APBA2: variants seen among roughly 807,000 people sequenced by gnomAD.
APBA2 encodes amyloid beta precursor protein binding family A member 2, also known as amyloid-beta A4 precursor protein-binding family A member 2.
APBA2 carries 30 observed loss-of-function variants against 75.0 expected under a neutral mutation model. The ratio of observed to expected loss-of-function variants is 0.40; its 90% CI spans 0.30 to 0.54. The LOEUF (loss-of-function observed/expected upper bound fraction) is 0.54, where lower values mean the gene tolerates loss of function less well. APBA2 is among the 20% of genes least tolerant of loss of function. The pLI is 0.49. For synonymous variants in APBA2, 444 were observed against 409.6 expected, an observed-to-expected ratio of 1.08 and a Z score of -1.01; for missense variants, 801 against 1,016.1, an observed-to-expected ratio of 0.79 and a Z score of 2.88.
chr15:29,025,750 G>C (rs574162548), intron 3 of APBA2, among the ~76,000 whole-genome samples: 74 of 151,978 alleles, frequency 4.9e-4, no homozygotes, highest in Admixed American at 7.9e-4. Flanking sequence ...TCAGGAGTTC[G>C]AGGCCAGGCT....
chr15:28,948,156 C>A (rs1309253065), intron 2 of APBA2, among the ~76,000 whole-genome samples: 2 of 152,212 alleles, frequency 1.3e-5, no homozygotes, highest in Admixed American at 1.3e-4. Context: ...ATGTTCAGAG[C>A]ATCCCCACAG....
At chr15:28,996,191 G>C (rs570394749) in intron 3 of APBA2, among the ~76,000 whole-genome samples, 1 of 152,282 alleles carries the variant, frequency 6.6e-6, no homozygotes, top group African/African-American at 2.4e-5. Flanking sequence ...TAGTTACAGC[G>C]AAAGTAGACA....
chr15:28,940,571 A>G (rs1044022575), intron 2 of APBA2, among the ~76,000 whole-genome samples: 4 of 151,114 alleles, frequency 2.6e-5, no homozygotes, highest in Non-Finnish European at 4.4e-5. Flanking sequence ...AGAAAAAAAA[A>G]AAAGAAAAGA....
rs762268095 is a variant in APBA2, at chr15:29,098,570, C to G, written c.1332C>G (p.Asp444Glu). Residue 444 changes from aspartate to glutamate, a missense_variant, in exon 9 of 15, where the codon GAC becomes GAG. Around this residue, in one of 2 missense-constraint regions of APBA2, gnomAD observed 367 missense variants for 544.5 expected, o/e 0.67. Transcript: ENST00000683413. ...AGAGGATCAAGGTTTTAAATGCAGA[C>G]ACGCAGGTAAGCGTTTAAGACAGTT... ...STQRIKVLNA[D>E]TQETMMDHAL... The G allele has an allele frequency of 6.2e-7, 1 of 1,613,410 alleles. No homozygotes were observed. The highest frequency in any genetic ancestry group is 8.5e-7 in the Non-Finnish European group (1 of 1,179,308).
At chr15:29,031,399 C>T (rs968337304) in intron 3 of APBA2, among the ~76,000 whole-genome samples, 4 of 152,150 alleles carry the variant, frequency 2.6e-5, no homozygotes, top group Admixed American at 6.5e-5. Context: ...CTCTCCTTGG[C>T]CTTGATGCCC....
Position 29,117,181 on chromosome 15 carries a change from G to C in APBA2, c.*48G>C. ...GCCAGGACACCGGGCAGGGCCGCCC[G>C]GGCCCAGAGGAGCTGGGAGCCGGGC... is the stretch of plus-strand genomic sequence containing the variant. On this transcript the variant is annotated 3_prime_UTR_variant, in exon 15 of 15. Transcript: ENST00000683413. 1.3e-6 allele frequency: 2 copies of C among 1,580,916 alleles called. No homozygotes were observed. The highest frequency in any genetic ancestry group is 1.7e-6 in the Non-Finnish European group (2 of 1,151,596).
At position 29,115,998 on chromosome 15, in the gene APBA2, A is replaced by G. The variant is rs537268456; in HGVS notation, c.2179-1064A>G. Among the ~76,000 whole-genome samples the G allele has an allele frequency of 2.4e-4, 37 of 152,334 alleles. No homozygotes were observed. In the East Asian group the frequency reaches 7.2e-3, roughly 29 times the overall value. ...CCATCCGGAGGCCGCAGCCTAGCACAGTCCCGGGCAGGACAGGGGAGAGCG... is the reference window on the plus strand; with the variant it reads ...CCATCCGGAGGCCGCAGCCTAGCACGGTCCCGGGCAGGACAGGGGAGAGCG... On this transcript the variant is annotated intron_variant, in intron 14 of 14. Transcript: ENST00000683413.
chr15:29,096,553 G>A (rs962417586), intron 8 of APBA2, among the ~76,000 whole-genome samples: 2 of 152,202 alleles, frequency 1.3e-5, no homozygotes, highest in African/African-American at 2.4e-5. Context: ...AAGTTCCTCC[G>A]CGGCTGCGGA....
intron 4 of APBA2, among the ~76,000 whole-genome samples, chr15:29,062,699 T>A (rs948445173): frequency 6.6e-6 from 1 of 152,152 alleles, no homozygotes; most frequent in African/African-American, 2.4e-5. Flanking sequence ...TGTAAAGCTC[T>A]CCCACTACCA....
At chr15:29,080,458 C>T (rs566918489) in intron 6 of APBA2, among the ~76,000 whole-genome samples, 12 of 152,256 alleles carry the variant, frequency 7.9e-5, no homozygotes, top group Non-Finnish European at 1.8e-4. Flanking sequence ...GGATCACAGC[C>T]TTCTCTCAGC....
At chr15:28,925,417 C>T (rs561486637) in intron 2 of APBA2, among the ~76,000 whole-genome samples, 1 of 152,236 alleles carries the variant, frequency 6.6e-6, no homozygotes, top group African/African-American at 2.4e-5. Context: ...TTTCCAATTT[C>T]TGGAATAGGT....
At chr15:28,971,076 C>T (rs117283881) in intron 2 of APBA2, among the ~76,000 whole-genome samples, 1,882 of 152,216 alleles carry the variant, frequency 0.012, 22 homozygotes, top group Non-Finnish European at 0.018. Flanking sequence ...ATGTAAATTG[C>T]GTTTTCTATT....
intron 2 of APBA2, among the ~76,000 whole-genome samples, chr15:28,969,267 G>A (rs191584044): frequency 2.0e-5 from 3 of 151,608 alleles, no homozygotes; most frequent in East Asian, 1.9e-4. Flanking sequence ...TGCAACCTCC[G>A]TCTCGCGGGC....
intron 2 of APBA2, among the ~76,000 whole-genome samples, chr15:28,985,683 A>C (rs535306995): frequency 2.0e-5 from 3 of 152,346 alleles, no homozygotes; most frequent in Admixed American, 2.0e-4. Flanking sequence ...CAGTAGTTCC[A>C]CAGCGGATCT....
At chr15:28,916,869 C>A (rs2033711633) in intron 1 of APBA2, among the ~76,000 whole-genome samples, 1 of 152,158 alleles carries the variant, frequency 6.6e-6, no homozygotes, top group Non-Finnish European at 1.5e-5. Context: ...CAATGAAAAT[C>A]TTCAGACATC....
At chr15:29,055,668 AGTGTGTGTGTGTGTGT>A (rs57671107) in intron 4 of APBA2, among the ~76,000 whole-genome samples, 91 of 127,534 alleles carry the variant, frequency 7.1e-4, no homozygotes, top group African/African-American at 2.4e-3. Flanking sequence ...CATGAATTTG[AGTGTGTGTGTGTGTGT>A]GTGTGTGTGT....
intron 1 of APBA2, among the ~76,000 whole-genome samples, chr15:28,896,027 C>G (rs2032461935): frequency 2.0e-5 from 3 of 152,026 alleles, no homozygotes; most frequent in Admixed American, 2.0e-4. Flanking sequence ...GTGGGAGGAT[C>G]CCTTAAGCCC....
intron 2 of APBA2, among the ~76,000 whole-genome samples, chr15:28,946,191 A>C (rs1380388027): frequency 6.6e-6 from 1 of 152,248 alleles, no homozygotes; most frequent in African/African-American, 2.4e-5. Flanking sequence ...AGATATCCAC[A>C]CCCTAGCTGT....
chr15:28,934,047 C>T (rs2034711566), intron 2 of APBA2, among the ~76,000 whole-genome samples: 1 of 151,730 alleles, frequency 6.6e-6, no homozygotes, highest in African/African-American at 2.4e-5. Flanking sequence ...ATGGAGTGGG[C>T]AGCTCCTTCC....
Sources: gnomAD v4.1 joint callset for allele counts (sites outside exome capture counted in the v4.1 genomes callset) on GRCh38, gnomAD v4.1.1 for gene constraint, gnomAD v4.1.1 regional missense constraint, MANE v1.5 for transcripts, NCBI Gene and HGNC (gene_info 2026-07-23, HGNC 2026-07-21) for gene names.